UST: variants seen among roughly 807,000 people sequenced by gnomAD.
UST encodes uronyl 2-sulfotransferase.
In UST, 21 loss-of-function variants were observed where a neutral mutation model predicts 45.6. The observed-to-expected ratio is 0.46, with a 90% CI of 0.33 to 0.66. UST has a LOEUF of 0.66. UST is among the 30% of genes least tolerant of loss of function. The probability of loss-of-function intolerance (pLI) is 0.02; values close to 1 mark genes in which losing one functional copy is unlikely to be tolerated. For missense variants in UST, 463 were observed against 512.4 expected (o/e 0.90, Z 0.93); for synonymous variants, 215 against 200.6 (o/e 1.07, Z -0.61).
chr6:148,864,139 C>T (rs988816232), intron 1 of UST, among the ~76,000 whole-genome samples: 6 of 152,212 alleles, frequency 3.9e-5, no homozygotes, highest in African/African-American at 1.2e-4. Context: ...CCTTGAGCTG[C>T]GGTGGGCTCC....
intron 5 of UST, among the ~76,000 whole-genome samples, chr6:149,003,087 A>G: frequency 6.6e-6 from 1 of 152,198 alleles, no homozygotes; most frequent in Non-Finnish European, 1.5e-5. Flanking sequence ...CAATGAGTGA[A>G]TCATTTTGAA....
chr6:148,927,980 A>G (rs1436739240), intron 2 of UST, among the ~76,000 whole-genome samples: 3 of 152,336 alleles, frequency 2.0e-5, no homozygotes, highest in African/African-American at 4.8e-5. Context: ...GCAGCTCTCC[A>G]TCCAAGGGTA....
chr6:148,941,710 A>G lies in UST; in HGVS notation c.447+276A>G, dbSNP rs572296367. Among the ~76,000 whole-genome samples, 8 of 152,328 alleles carry G rather than the reference A, an allele frequency of 5.3e-5. No individual in the cohort carries two copies. In the South Asian group the frequency reaches 1.4e-3, roughly 28 times the overall value. ...TCTAGTTAGCTAAAATTAGCGATAT[A>G]TACATCTCAAAGAGTCATACCACCG... On this transcript the variant is annotated intron_variant, in intron 3 of 7. Transcript: ENST00000367463.
intron 7 of UST, among the ~76,000 whole-genome samples, chr6:149,057,736 T>C (rs532688093): frequency 6.6e-6 from 1 of 152,194 alleles, no homozygotes; most frequent in East Asian, 1.9e-4. Flanking sequence ...ATAGGAGAAA[T>C]GGTCATGGTT....
chr6:148,930,476 G>A (rs932680739), intron 2 of UST, among the ~76,000 whole-genome samples: 20 of 152,128 alleles, frequency 1.3e-4, no homozygotes, highest in Admixed American at 1.0e-3. Context: ...TGACTAGCAC[G>A]CAGTAAATGC....
At chr6:149,031,560 G>A (rs1391069494) in intron 7 of UST, among the ~76,000 whole-genome samples, 10 of 152,152 alleles carry the variant, frequency 6.6e-5, no homozygotes, top group Non-Finnish European at 1.3e-4. Context: ...TTGTTCTTGC[G>A]TTGGGATCAT....
intron 1 of UST, among the ~76,000 whole-genome samples, chr6:148,797,790 G>A (rs4897051): frequency 0.096 from 14,564 of 152,216 alleles, 879 homozygotes; most frequent in South Asian, 0.18. Flanking sequence ...AGAACAATAT[G>A]TGAGAAGGCC....
At position 148,830,724 on chromosome 6, in the gene UST, T is replaced by C. The variant is rs149101691; in HGVS notation, c.248-56262T>C. ...CAAGATGCAAAAAGACACTGTTTTA[T>C]GATTCCACTCATTTGAAGTACCTAG... On this transcript the variant is annotated intron_variant, in intron 1 of 7. Coordinates refer to ENST00000367463, the MANE Select transcript of UST (RefSeq NM_005715.3). Among the ~76,000 whole-genome samples the C allele has an allele frequency of 4.5e-4, 68 of 152,366 alleles. 1 individual carries two copies. In the East Asian group the frequency reaches 0.01, roughly 22 times the overall value.
At position 148,912,403 on chromosome 6, in the gene UST, G is replaced by T. The variant is rs140160259; in HGVS notation, c.291+25374G>T. On this transcript the variant is annotated intron_variant, in intron 2 of 7. Transcript: ENST00000367463. Reference sequence around the variant, plus strand: ...GACAGAAGAAAAGGACGAAGGCCGAGCAGGCCCATATCCCTGCGTAAGTCC... The same window carrying T: ...GACAGAAGAAAAGGACGAAGGCCGATCAGGCCCATATCCCTGCGTAAGTCC... Among the ~76,000 whole-genome samples, 329 of 152,366 alleles carry T rather than the reference G, an allele frequency of 2.2e-3. 1 individual carries two copies. Among genetic ancestry groups the T allele is most frequent in the Non-Finnish European group, 3.2e-3 (217 of 68,038 alleles).
chr6:149,062,300 G>A (rs1776665934), intron 7 of UST, among the ~76,000 whole-genome samples: 1 of 152,190 alleles, frequency 6.6e-6, no homozygotes, highest in Non-Finnish European at 1.5e-5. Context: ...AGTTTGCTCA[G>A]GAAGGACCCT....
At chr6:148,935,549 C>T (rs1780008177) in intron 2 of UST, among the ~76,000 whole-genome samples, 1 of 152,174 alleles carries the variant, frequency 6.6e-6, no homozygotes, top group Non-Finnish European at 1.5e-5. Flanking sequence ...CCTAAGAGGT[C>T]TTTAAAAGTC....
intron 7 of UST, among the ~76,000 whole-genome samples, chr6:149,067,485 A>G (rs1776748426): frequency 6.6e-6 from 1 of 152,190 alleles, no homozygotes; most frequent in Non-Finnish European, 1.5e-5. Context: ...GTAGCCAAAC[A>G]TGAAAAAGTC....
intron 3 of UST, among the ~76,000 whole-genome samples, chr6:148,951,703 A>C (rs1246328940): frequency 6.6e-6 from 1 of 152,220 alleles, no homozygotes; most frequent in Non-Finnish European, 1.5e-5. Flanking sequence ...AAAAACAAGG[A>C]AAGTCTTAGA....
chr6:148,879,929 CTTTTCTTTTTTCTTTTTT>C, intron 1 of UST, among the ~76,000 whole-genome samples: 1 of 137,748 alleles, frequency 7.3e-6, no homozygotes, highest in South Asian at 2.3e-4. Flanking sequence ...AGATATCTGA[CTTTTCTTTTTTCTTTTTT>C]TTTTCTTTTT....
chr6:148,965,037 G>T (rs1255909797), intron 5 of UST, among the ~76,000 whole-genome samples: 1 of 152,114 alleles, frequency 6.6e-6, no homozygotes, highest in Non-Finnish European at 1.5e-5. Flanking sequence ...CACCTCTCAG[G>T]TAAGGGCGCA....
In UST at chr6:149,016,054, C is replaced by G. The variant is rs79323041; in HGVS notation, c.682-3085C>G. On this transcript the variant is annotated intron_variant, in intron 5 of 7. Transcript: ENST00000367463. Reference sequence around the variant, plus strand: ...TGGCAGCTCCATGCCTGGGGCTTCTCAGCTCATTTCTGCTTCCTCTGGATC... The same window carrying G: ...TGGCAGCTCCATGCCTGGGGCTTCTGAGCTCATTTCTGCTTCCTCTGGATC... 1.4e-3 allele frequency among the ~76,000 whole-genome samples: 219 copies of G among 152,282 alleles called. 1 individual carries two copies. The highest frequency in any genetic ancestry group is 5.1e-3 in the African/African-American group (210 of 41,564).
intron 4 of UST, among the ~76,000 whole-genome samples, chr6:148,956,470 G>A (rs952400919): frequency 2.0e-5 from 3 of 152,128 alleles, no homozygotes; most frequent in Admixed American, 6.5e-5. Context: ...CAGTATGGGG[G>A]AAACCACCCC....
chr6:148,997,819 G>C (rs1274931028), intron 5 of UST, among the ~76,000 whole-genome samples: 2 of 152,126 alleles, frequency 1.3e-5, no homozygotes, highest in Non-Finnish European at 2.9e-5. Context: ...GAAGTTCCCT[G>C]TTAATTTAAA....
Position 148,814,093 on chromosome 6 carries a change from G to A in UST, c.247+66416G>A, listed in dbSNP as rs576999912. On this transcript the variant is annotated intron_variant, in intron 1 of 7. Coordinates refer to ENST00000367463, the MANE Select transcript of UST (RefSeq NM_005715.3). ...TTATAGCACCTTCCATGTTATGGGCGCTCAATAAATTGCCATCACCAAGTT... is the reference window on the plus strand; with the variant it reads ...TTATAGCACCTTCCATGTTATGGGCACTCAATAAATTGCCATCACCAAGTT... Among the ~76,000 whole-genome samples, 18 of 152,088 alleles carry A rather than the reference G, an allele frequency of 1.2e-4. No individual in the cohort carries two copies. In the South Asian group the frequency reaches 1.5e-3, roughly 12 times the overall value.
Sources: allele counts gnomAD v4.1 joint callset (sites outside exome capture counted in the v4.1 genomes callset), GRCh38; gene constraint gnomAD v4.1.1; transcripts MANE v1.5; gene names NCBI Gene and HGNC (gene_info 2026-07-23, HGNC 2026-07-21).